The following DENND1B variants were observed in gnomAD, a reference collection of about 807,000 sequenced individuals.
DENND1B encodes the protein DENN domain containing 1B.
DENND1B carries 59 observed loss-of-function variants against 90.1 expected under a neutral mutation model. The observed-to-expected ratio is 0.65, with a 90% confidence interval of 0.53 to 0.81. The LOEUF (loss-of-function observed/expected upper bound fraction) is 0.81. Among genes scored for constraint, DENND1B ranks in the 40% least tolerant of loss-of-function variants. The probability of loss-of-function intolerance (pLI) is 0.00; values close to 1 mark genes in which losing one functional copy is unlikely to be tolerated. For missense variants in DENND1B, 862 were observed against 912.6 expected, an observed-to-expected ratio of 0.94 and a Z score of 0.71; for synonymous variants, 337 against 324.6, an observed-to-expected ratio of 1.04 and a Z score of -0.41.
At chr1:197,718,456 A>C (rs1296240689) in intron 2 of DENND1B, among the ~76,000 whole-genome samples, 3 of 151,710 alleles carry the variant, frequency 2.0e-5, no homozygotes, top group Non-Finnish European at 4.4e-5. Context: ...GAAAATGTGT[A>C]ATTTTTTGGT....
intron 15 of DENND1B, among the ~76,000 whole-genome samples, chr1:197,571,794 A>T (rs1673177275): frequency 6.6e-6 from 1 of 152,124 alleles, no homozygotes; most frequent in Non-Finnish European, 1.5e-5. Context: ...AAACTAATAG[A>T]CACACAGAAA....
chr1:197,576,570 T>C (rs1673704145), intron 15 of DENND1B, among the ~76,000 whole-genome samples: 1 of 152,224 alleles, frequency 6.6e-6, no homozygotes, highest in Admixed American at 6.5e-5. Context: ...ATGTTTTCAC[T>C]TTAAAATAAA....
At chr1:197,727,255 G>A (rs1283367079) in intron 2 of DENND1B, among the ~76,000 whole-genome samples, 9 of 152,058 alleles carry the variant, frequency 5.9e-5, no homozygotes, top group African/African-American at 9.7e-5. Context: ...CATAATTAGC[G>A]CCGGGCGCAG....
chr1:197,758,366 G>T (rs929593025), intron 2 of DENND1B, among the ~76,000 whole-genome samples: 1 of 152,116 alleles, frequency 6.6e-6, no homozygotes, highest in Admixed American at 6.5e-5. Context: ...CAAAATAGGA[G>T]GAAAGTTTTT....
intron 14 of DENND1B, among the ~76,000 whole-genome samples, chr1:197,587,894 C>A (rs969338533): frequency 1.3e-5 from 2 of 151,894 alleles, no homozygotes; most frequent in African/African-American, 2.4e-5. Context: ...TAATGGGAGA[C>A]AGTGACAGAT....
intron 2 of DENND1B, among the ~76,000 whole-genome samples, chr1:197,771,684 A>G (rs1474763025): frequency 6.6e-6 from 1 of 152,214 alleles, no homozygotes; most frequent in Non-Finnish European, 1.5e-5. Context: ...TAATTGCTGG[A>G]TAGTTTCTGA....
intron 3 of DENND1B, among the ~76,000 whole-genome samples, chr1:197,694,274 A>G (rs921578535): frequency 6.6e-6 from 1 of 151,594 alleles, no homozygotes; most frequent in Non-Finnish European, 1.5e-5. Context: ...GTTATAATAA[A>G]CAAAATTATT....
chr1:197,520,854 A>G (rs1270227761), intron 20 of DENND1B, among the ~76,000 whole-genome samples: 1 of 151,966 alleles, frequency 6.6e-6, no homozygotes, highest in Non-Finnish European at 1.5e-5. Flanking sequence ...TGCTCCCCTG[A>G]AAATGTAAAA....
chr1:197,690,426 C>T (rs890711076), intron 3 of DENND1B: 2 of 169,856 alleles, frequency 1.2e-5, no homozygotes, highest in Admixed American at 6.4e-5. Flanking sequence ...TGGAAGGTGA[C>T]CCTAAATTCT....
intron 20 of DENND1B, among the ~76,000 whole-genome samples, chr1:197,526,216 C>A (rs1236528864): frequency 6.6e-6 from 1 of 151,984 alleles, no homozygotes; most frequent in Non-Finnish European, 1.5e-5. Flanking sequence ...GCAGCAGTAG[C>A]CCTACAAAGA....
intron 2 of DENND1B, among the ~76,000 whole-genome samples, chr1:197,725,276 T>C (rs1436415712): frequency 1.3e-5 from 2 of 152,066 alleles, no homozygotes; most frequent in Non-Finnish European, 1.5e-5. Flanking sequence ...GACTTCTCAA[T>C]AGCAGCAATG....
Position 197,646,990 on chromosome 1 carries a change from T to C in DENND1B, c.507+65A>G, listed in dbSNP as rs994102453. ...GCTGGAGTGAAGCTTAAAGGCATAG[T>C]GAAATAAGTGATTATTTTTCCTATT... On this transcript the variant is annotated intron_variant, in intron 8 of 22. Transcript: ENST00000620048. 10 of 1,242,538 alleles carry C rather than the reference T, an allele frequency of 8.0e-6. No individual in the cohort carries two copies. The African/African-American group carries it at 1.6e-4, about 20-fold the overall frequency. 77.0% of individuals were successfully genotyped at this position (1,242,538 alleles called of 1,614,324 possible).
chr1:197,595,785 T>C (rs1287742986), intron 13 of DENND1B, among the ~76,000 whole-genome samples: 1 of 152,100 alleles, frequency 6.6e-6, no homozygotes, highest in African/African-American at 2.4e-5. Context: ...GCATATATAA[T>C]TTTCCAGTCA....
chr1:197,730,335 A>T (rs1435051773), intron 2 of DENND1B, among the ~76,000 whole-genome samples: 1 of 152,110 alleles, frequency 6.6e-6, no homozygotes, highest in Non-Finnish European at 1.5e-5. Flanking sequence ...ACATGTAGTA[A>T]AAAATAGATC....
At chr1:197,682,186 T>G (rs1656759522) in intron 3 of DENND1B, among the ~76,000 whole-genome samples, 1 of 152,056 alleles carries the variant, frequency 6.6e-6, no homozygotes. Flanking sequence ...AGTTCTTATA[T>G]TCTGGCGTCA....
intron 1 of DENND1B, 83 bp from the exon 2 acceptor site, chr1:197,773,015 T>C (rs1247442803): frequency 2.6e-6 from 3 of 1,162,352 alleles, no homozygotes; most frequent in Non-Finnish European, 3.8e-6. Context: ...CTAAAACTAA[T>C]CTTGTTTTTG....
intron 2 of DENND1B, among the ~76,000 whole-genome samples, chr1:197,718,735 A>G (rs537097466): frequency 6.6e-6 from 1 of 152,218 alleles, no homozygotes; most frequent in African/African-American, 2.4e-5. Flanking sequence ...TGGGCAGGGG[A>G]GAACATTCTA....
At chr1:197,593,653 A>T (rs1436353679) in intron 14 of DENND1B, among the ~76,000 whole-genome samples, 1 of 152,062 alleles carries the variant, frequency 6.6e-6, no homozygotes, top group Admixed American at 6.6e-5. Flanking sequence ...TATTAATTTC[A>T]GTCAGCACCC....
At chr1:197,745,900 T>G (rs963734033) in intron 2 of DENND1B, among the ~76,000 whole-genome samples, 5 of 152,056 alleles carry the variant, frequency 3.3e-5, no homozygotes, top group Non-Finnish European at 7.4e-5. Context: ...GTAAATTGCT[T>G]TTACTATGCA....
Sources: allele counts gnomAD v4.1 joint callset (sites outside exome capture counted in the v4.1 genomes callset), GRCh38; gene constraint gnomAD v4.1.1; transcripts MANE v1.5; gene names NCBI Gene and HGNC (gene_info 2026-07-23, HGNC 2026-07-21).